CYP46A1: variants seen among roughly 807,000 people sequenced by gnomAD.
The protein encoded by CYP46A1 is cholesterol 24-hydroxylase.
In CYP46A1, 20 loss-of-function variants were observed where a neutral mutation model predicts 63.3. The observed-to-expected ratio is 0.32, with a 90% CI of 0.22 to 0.46. The LOEUF (loss-of-function observed/expected upper bound fraction) is 0.46, where lower values mean the gene tolerates loss of function less well. Among genes scored for constraint, CYP46A1 ranks in the 20% least tolerant of loss-of-function variants. The pLI, the probability that CYP46A1 is intolerant of heterozygous loss-of-function variation, is 1.00. For synonymous variants in CYP46A1, 268 were observed against 273.6 expected (o/e 0.98, Z 0.20); for missense variants, 445 against 670.8 (o/e 0.66, Z 3.72).
intron 1 of CYP46A1, among the ~76,000 whole-genome samples, chr14:99,689,759 C>G (rs1013101480): frequency 1.3e-5 from 2 of 152,172 alleles, no homozygotes; most frequent in Non-Finnish European, 2.9e-5. Flanking sequence ...CTGTTCTGAG[C>G]CCTCGTCACC....
intron 14 of CYP46A1, 28 bp downstream of exon 14, chr14:99,726,284 C>T: frequency 1.2e-6 from 2 of 1,608,494 alleles, no homozygotes; most frequent in Non-Finnish European, 1.7e-6. Flanking sequence ...GTGGTTCTGC[C>T]CAGGAGTAGC....
At chr14:99,686,423 T>C (rs2056494819) in intron 1 of CYP46A1, among the ~76,000 whole-genome samples, 1 of 152,194 alleles carries the variant, frequency 6.6e-6, no homozygotes, top group Admixed American at 6.5e-5. Context: ...TTCACAGCAC[T>C]GTGCAGCCAT....
At chr14:99,687,171 G>A (rs934514069) in intron 1 of CYP46A1, among the ~76,000 whole-genome samples, 2 of 152,116 alleles carry the variant, frequency 1.3e-5, no homozygotes, top group African/African-American at 4.8e-5. Flanking sequence ...GCACCGATCC[G>A]TGTAACAGCT....
chr14:99,715,493 G>C (rs958287048), intron 7 of CYP46A1, among the ~76,000 whole-genome samples: 5 of 152,182 alleles, frequency 3.3e-5, no homozygotes, highest in African/African-American at 1.2e-4. Flanking sequence ...CACTGCTTGG[G>C]ATTTCTTCCT....
At chr14:99,702,422 A>G (rs2056639680) in intron 5 of CYP46A1, among the ~76,000 whole-genome samples, 1 of 152,178 alleles carries the variant, frequency 6.6e-6, no homozygotes, top group Non-Finnish European at 1.5e-5. Flanking sequence ...GCATTTTTGT[A>G]CAAGTGTTTG....
intron 7 of CYP46A1, chr14:99,711,430 A>C (rs2056730853): frequency 6.6e-6 from 1 of 152,108 alleles, no homozygotes; most frequent in Admixed American, 6.5e-5. Context: ...AAATAAAAGC[A>C]GAAACTAAAA....
chr14:99,725,691 G>A lies in CYP46A1; in HGVS notation c.1265+212G>A, dbSNP rs1372459731. On this transcript the variant is annotated intron_variant, in intron 13 of 14. Coordinates refer to ENST00000261835, the MANE Select transcript of CYP46A1 (RefSeq NM_006668.2). This position sits in a 1 kb window ranked among gnomAD's most constrained non-coding sequence, Gnocchi z 4.2. Reference sequence around the variant, plus strand: ...GGCCCCAGCTCAGTCTGGTTCTAAAGCTCATGCTCATAAGCAGCACCAAAT... The same window carrying A: ...GGCCCCAGCTCAGTCTGGTTCTAAAACTCATGCTCATAAGCAGCACCAAAT... Among the ~76,000 whole-genome samples the A allele has an allele frequency of 6.6e-6, 1 of 152,242 alleles. No homozygotes were observed. The highest frequency in any genetic ancestry group is 1.5e-5 in the Non-Finnish European group (1 of 68,044).
At chr14:99,706,569 C>T (rs2056678045) in intron 5 of CYP46A1, 78 bp from the exon 6 acceptor site, 1 of 1,576,792 alleles carries the variant, frequency 6.3e-7, no homozygotes, top group Admixed American at 1.7e-5. Flanking sequence ...AGTATCCTCT[C>T]TGTGGAGAGG....
intron 7 of CYP46A1, chr14:99,710,711 AG>A (rs1245209078): frequency 6.6e-6 from 1 of 152,184 alleles, no homozygotes; most frequent in Non-Finnish European, 1.5e-5. Flanking sequence ...ACTCTAATAC[AG>A]TAATAGCTGG....
intron 7 of CYP46A1, 119 bp downstream of exon 7, chr14:99,707,797 G>A: frequency 3.9e-6 from 3 of 768,014 alleles, no homozygotes; most frequent in South Asian, 3.7e-5. Context: ...GTTCTGGTAT[G>A]TCTGAAGTGA....
rs1375661077 is a variant in CYP46A1, at chr14:99,722,883, C to T, written c.1176+817C>T. 2.2e-6 allele frequency: 1 copy of T among 453,514 alleles called. No homozygotes were observed. Among genetic ancestry groups the T allele is most frequent in the Non-Finnish European group, 4.4e-6 (1 of 224,968 alleles). 28.1% of individuals were successfully genotyped at this position (453,514 alleles called of 1,614,324 possible). A position where few individuals can be genotyped will look rare whatever the true frequency, so the allele number is the denominator to read the frequency against. On this transcript the variant is annotated intron_variant, in intron 12 of 14. Transcript: ENST00000261835. The surrounding 1 kb of genome is among the most constrained non-coding windows in gnomAD (Gnocchi z 4.6). ...ACGATGCCATTTCTGTCCGCATGTCCAGGAACAGTGTGCAAGCCAGCTCCT... is the reference window on the plus strand; with the variant it reads ...ACGATGCCATTTCTGTCCGCATGTCTAGGAACAGTGTGCAAGCCAGCTCCT...
intron 7 of CYP46A1, chr14:99,711,459 T>C (rs548352878): frequency 1.3e-5 from 2 of 152,160 alleles, no homozygotes; most frequent in East Asian, 1.9e-4. Flanking sequence ...TTACAACTGA[T>C]ACCACAGAAA....
chr14:99,725,586 A>G lies in CYP46A1; in HGVS notation c.1265+107A>G. 1 of 778,488 alleles carries G rather than the reference A, an allele frequency of 1.3e-6. No homozygotes were observed. The highest frequency in any genetic ancestry group is 1.5e-5 in the South Asian group (1 of 65,126). The allele number at this position is 778,488 out of a possible 1,614,324, so 48.2% of individuals were successfully genotyped here. On this transcript the variant is annotated intron_variant, in intron 13 of 14. Coordinates refer to ENST00000261835, the MANE Select transcript of CYP46A1 (RefSeq NM_006668.2). The surrounding 1 kb of genome is among the most constrained non-coding windows in gnomAD (Gnocchi z 4.2). The stretch of plus-strand genomic sequence containing the variant: ...ACCCACTCAGCCCACATAGCCTTCC[A>G]GATCCCTGTGAGGTGGTTGTGGAGG...
intron 7 of CYP46A1, 91 bp downstream of exon 7, chr14:99,707,769 T>C (rs1264636713): frequency 2.2e-5 from 25 of 1,119,770 alleles, no homozygotes; most frequent in African/African-American, 7.9e-5. Context: ...TTTTTTTTTT[T>C]CCCAGAATGG....
chr14:99,705,145 G>A (rs2039629190), intron 5 of CYP46A1, among the ~76,000 whole-genome samples: 1 of 152,240 alleles, frequency 6.6e-6, no homozygotes, highest in African/African-American at 2.4e-5. Context: ...CCTGCTGCCA[G>A]GCATGTGCGT....
rs2056540721 is a variant in CYP46A1, at chr14:99,691,269, G to A, written c.200+108G>A. ...CCAGCCTCACCTTCCCCTAGCCCAG[G>A]TTACTCCCAGCCCCAGCAGTTCCTC... is the stretch of plus-strand genomic sequence containing the variant. On this transcript the variant is annotated intron_variant, in intron 2 of 14. Coordinates refer to ENST00000261835, the MANE Select transcript of CYP46A1 (RefSeq NM_006668.2). 3.6e-6 allele frequency: 4 copies of A among 1,100,102 alleles called. No homozygotes were observed. The South Asian group carries it at 3.9e-5, about 11-fold the overall frequency. 68.1% of individuals were successfully genotyped at this position (1,100,102 alleles called of 1,614,324 possible).
chr14:99,721,381 T>C, intron 11 of CYP46A1, 58 bp downstream of exon 11: 2 of 1,196,884 alleles, frequency 1.7e-6, no homozygotes, highest in Non-Finnish European at 2.5e-6. Flanking sequence ...TCATCATGCC[T>C]GCTTCCTCCC....
At chr14:99,713,642 G>T (rs923883898) in intron 7 of CYP46A1, among the ~76,000 whole-genome samples, 3 of 152,010 alleles carry the variant, frequency 2.0e-5, no homozygotes, top group African/African-American at 7.2e-5. Context: ...ACTTTGGGAG[G>T]CCAAGGCAGG....
rs2140113755 is a variant in CYP46A1 at position 99,691,842 on chromosome 14, C to T, written c.263C>T (p.Thr88Met). The T allele has an allele frequency of 1.2e-6, 2 of 1,614,184 alleles. No homozygotes were observed. The highest frequency in any genetic ancestry group is 1.7e-6 in the Non-Finnish European group (2 of 1,180,030). The change falls in exon 3 of 15, where the codon ACG becomes ATG. Residue 88 changes from threonine (T) to methionine (M), a missense_variant. Around this residue, in one of 4 missense-constraint regions of CYP46A1, gnomAD observed 252 missense variants for 383.3 expected, o/e 0.66. Coordinates refer to ENST00000261835, the MANE Select transcript of CYP46A1 (RefSeq NM_006668.2). Reference sequence around the variant, plus strand: ...TTCCACAAAACCTCAGTCATCGTCACGAGTCCTGAGTCGGTTAAGGTAGGA... The same window carrying T: ...TTCCACAAAACCTCAGTCATCGTCATGAGTCCTGAGTCGGTTAAGGTAGGA... ...NVFHKTSVIV[T>M]SPESVKKFLM...
Sources: allele counts gnomAD v4.1 joint callset (sites outside exome capture counted in the v4.1 genomes callset), GRCh38; gene constraint gnomAD v4.1.1; regional missense constraint gnomAD v4.1.1; non-coding constraint Gnocchi (gnomAD v3.1); transcripts MANE v1.5; gene names NCBI Gene and HGNC (gene_info 2026-07-23, HGNC 2026-07-21).